MSRA: variants seen among roughly 807,000 people sequenced by gnomAD.
MSRA encodes the protein mitochondrial peptide methionine sulfoxide reductase.
In MSRA, 54 loss-of-function variants were observed where a neutral mutation model predicts 31.3. The observed-to-expected ratio is 1.73, with a 90% CI of 1.39 to 2.17. The LOEUF is 2.17. Among genes scored for constraint, MSRA ranks in the 30% most tolerant of loss-of-function variants. The pLI is 0.00. For missense variants in MSRA, 507 were observed against 300.9 expected, an observed-to-expected ratio of 1.69 and a Z score of -5.07; for synonymous variants, 169 against 116.5, an observed-to-expected ratio of 1.45 and a Z score of -2.90.
intron 1 of MSRA, among the ~76,000 whole-genome samples, chr8:10,203,826 G>A (rs887737551): frequency 4.6e-5 from 7 of 152,226 alleles, no homozygotes; most frequent in South Asian, 4.1e-4. Context: ...CTCCAAGCGT[G>A]TTATTGCCTC....
intron 5 of MSRA, among the ~76,000 whole-genome samples, chr8:10,366,543 G>C (rs576364366): frequency 6.6e-6 from 1 of 152,244 alleles, no homozygotes; most frequent in African/African-American, 2.4e-5. Context: ...TCAGCGATGG[G>C]AGCTGTGGTG....
intron 3 of MSRA, among the ~76,000 whole-genome samples, chr8:10,276,745 A>T (rs1219894556): frequency 6.6e-6 from 1 of 152,208 alleles, no homozygotes; most frequent in Non-Finnish European, 1.5e-5. Flanking sequence ...TTGTGGGGGC[A>T]GATTTAGATC....
intron 1 of MSRA, among the ~76,000 whole-genome samples, chr8:10,068,524 G>T (rs1797572790): frequency 1.3e-5 from 2 of 152,214 alleles, no homozygotes; most frequent in Non-Finnish European, 2.9e-5. Flanking sequence ...ATTTTTGCCT[G>T]TGGGTGTCCA....
chr8:10,235,755 C>G (rs539353403), intron 2 of MSRA, among the ~76,000 whole-genome samples: 75 of 151,938 alleles, frequency 4.9e-4, no homozygotes, highest in Non-Finnish European at 7.9e-4. Context: ...AATTTTTTTT[C>G]TAATGCGGTG....
At chr8:10,160,222 G>A (rs6980469) in intron 1 of MSRA, among the ~76,000 whole-genome samples, 2,916 of 152,202 alleles carry the variant, frequency 0.019, 97 homozygotes, top group African/African-American at 0.066. Flanking sequence ...GATGGGGCCA[G>A]GCACAGTGGC....
intron 5 of MSRA, among the ~76,000 whole-genome samples, chr8:10,353,293 A>G (rs1804300637): frequency 6.6e-6 from 1 of 152,250 alleles, no homozygotes; most frequent in Non-Finnish European, 1.5e-5. Context: ...AAAGCCACTC[A>G]GCAGCAGCTA....
intron 5 of MSRA, among the ~76,000 whole-genome samples, chr8:10,391,858 C>A (rs947264442): frequency 3.3e-5 from 5 of 152,226 alleles, no homozygotes; most frequent in Non-Finnish European, 5.9e-5. Context: ...TACCGCATTT[C>A]ACTTCCTAGG....
intron 1 of MSRA, among the ~76,000 whole-genome samples, chr8:10,100,666 C>G (rs768736060): frequency 9.9e-5 from 15 of 152,078 alleles, no homozygotes; most frequent in Non-Finnish European, 1.8e-4. Context: ...TCATCAGATT[C>G]TGAATAATTG....
chr8:10,250,617 C>T, intron 3 of MSRA: 2 of 624,530 alleles, frequency 3.2e-6, no homozygotes, highest in Non-Finnish European at 5.8e-6. Flanking sequence ...TTCAAGCAGG[C>T]TGTTCAGCAG....
chr8:10,255,806 T>TA (rs1798146252), intron 3 of MSRA, among the ~76,000 whole-genome samples: 2 of 151,084 alleles, frequency 1.3e-5, no homozygotes, highest in Admixed American at 1.3e-4. Flanking sequence ...GGTTTTTTTT[T>TA]TAAAAAACAA....
At chr8:10,240,291 A>G (rs1171690367) in intron 2 of MSRA, among the ~76,000 whole-genome samples, 1 of 152,142 alleles carries the variant, frequency 6.6e-6, no homozygotes, top group East Asian at 1.9e-4. Context: ...CCATTTGGAC[A>G]TTTGGTGGTG....
chr8:10,312,604 A>G (rs1801493123), intron 4 of MSRA, among the ~76,000 whole-genome samples: 2 of 152,216 alleles, frequency 1.3e-5, no homozygotes, highest in Non-Finnish European at 2.9e-5. Flanking sequence ...AGAAAAGAAA[A>G]TTGTAGGACA....
intron 5 of MSRA, among the ~76,000 whole-genome samples, chr8:10,320,892 C>G (rs1388199950): frequency 6.6e-6 from 1 of 152,162 alleles, no homozygotes; most frequent in Non-Finnish European, 1.5e-5. Flanking sequence ...AGTCTCTAGT[C>G]ATATTGGCTT....
intron 1 of MSRA, among the ~76,000 whole-genome samples, chr8:10,070,540 A>G (rs1287877212): frequency 1.3e-5 from 2 of 152,190 alleles, no homozygotes; most frequent in Admixed American, 6.5e-5. Flanking sequence ...ACATCTTGCA[A>G]AACTATAGTA....
At chr8:10,369,681 T>G (rs1438100913) in intron 5 of MSRA, among the ~76,000 whole-genome samples, 1 of 152,206 alleles carries the variant, frequency 6.6e-6, no homozygotes. Context: ...AAATAATTAT[T>G]AATACGGGAT....
chr8:10,344,459 A>G (rs911302720), intron 5 of MSRA, among the ~76,000 whole-genome samples: 1 of 151,596 alleles, frequency 6.6e-6, no homozygotes, highest in Admixed American at 6.6e-5. Context: ...CTGAAGTCCC[A>G]GCTACTGGGG....
intron 5 of MSRA, among the ~76,000 whole-genome samples, chr8:10,402,059 A>G (rs1350161539): frequency 1.3e-5 from 2 of 152,220 alleles, no homozygotes; most frequent in African/African-American, 2.4e-5. Flanking sequence ...TATGTTACAT[A>G]TATTTTACCA....
chr8:10,064,298 C>CCTTACAGA (rs1388939610), intron 1 of MSRA, among the ~76,000 whole-genome samples: 1 of 152,072 alleles, frequency 6.6e-6, no homozygotes, highest in South Asian at 2.1e-4. Flanking sequence ...TCCTCTGGGT[C>CCTTACAGA]AGCTGGTACC....
At chr8:10,068,642 C>A (rs1338097335) in intron 1 of MSRA, among the ~76,000 whole-genome samples, 1 of 152,118 alleles carries the variant, frequency 6.6e-6, no homozygotes, top group Admixed American at 6.5e-5. Context: ...TTTCTGGGCT[C>A]CTTATTATGA....
Sources: gnomAD v4.1 joint callset for allele counts (sites outside exome capture counted in the v4.1 genomes callset) on GRCh38, gnomAD v4.1.1 for gene constraint, MANE v1.5 for transcripts, NCBI Gene and HGNC (gene_info 2026-07-23, HGNC 2026-07-21) for gene names.